The following RBFOX3 variants were observed in gnomAD, a reference collection of about 807,000 sequenced individuals.
RBFOX3 encodes RNA binding fox-1 homolog 3.
Under a neutral mutation model 48.7 loss-of-function variants are expected in RBFOX3, and 17 were observed. That is an observed-to-expected ratio of 0.35 (90% CI 0.24 to 0.52). The LOEUF (loss-of-function observed/expected upper bound fraction) is 0.52. Among genes scored for constraint, RBFOX3 ranks in the 20% least tolerant of loss-of-function variants. The pLI is 0.94. For synonymous variants in RBFOX3, 212 were observed against 209.5 expected (o/e 1.01, Z -0.10); for missense variants, 382 against 497.5 (o/e 0.77, Z 2.21).
At chr17:79,260,741 C>T (rs553116528) in intron 3 of RBFOX3, among the ~76,000 whole-genome samples, 1 of 152,316 alleles carries the variant, frequency 6.6e-6, no homozygotes, top group East Asian at 1.9e-4. Flanking sequence ...GGGATAGGAA[C>T]ATGGCCAAGG....
At chr17:79,503,668 C>T (rs939774005) in intron 1 of RBFOX3, among the ~76,000 whole-genome samples, 17 of 152,144 alleles carry the variant, frequency 1.1e-4, no homozygotes, top group Non-Finnish European at 1.8e-4. Context: ...GGGATCCCTC[C>T]GTGTCCTGCA....
intron 4 of RBFOX3, among the ~76,000 whole-genome samples, chr17:79,127,182 C>G (rs1306239658): frequency 6.6e-6 from 1 of 152,244 alleles, no homozygotes; most frequent in African/African-American, 2.4e-5. Context: ...CACCATCATG[C>G]AGGTCCGGGT....
chr17:79,355,488 T>A (rs888022462), intron 2 of RBFOX3, among the ~76,000 whole-genome samples: 4 of 152,124 alleles, frequency 2.6e-5, no homozygotes, highest in Non-Finnish European at 4.4e-5. Context: ...CCTCTCCAGG[T>A]CCTGCTGCCT....
Position 79,096,635 on chromosome 17 carries a change from C to G in RBFOX3, c.936+18G>C. The G allele has an allele frequency of 6.5e-7, 1 of 1,535,428 alleles. No homozygotes were observed. Among genetic ancestry groups the G allele is most frequent in the East Asian group, 2.5e-5 (1 of 40,802 alleles). Reference sequence around the variant, plus strand: ...GAACGCCTGATCCCACCCTCCCTCCCGGCGGGGCTACACTTACATAAATCT... The same window carrying G: ...GAACGCCTGATCCCACCCTCCCTCCGGGCGGGGCTACACTTACATAAATCT... On this transcript the variant is annotated intron_variant, in intron 12 of 14. Coordinates refer to ENST00000693108, the MANE Select transcript of RBFOX3 (RefSeq NM_001350451.2).
intron 1 of RBFOX3, among the ~76,000 whole-genome samples, chr17:79,604,355 C>T (rs991847150): frequency 3.4e-4 from 52 of 152,170 alleles, no homozygotes; most frequent in Non-Finnish European, 5.0e-4. Context: ...CTCAAGGTGA[C>T]GGGTAATGTC....
intron 2 of RBFOX3, among the ~76,000 whole-genome samples, chr17:79,345,857 CT>C (rs371349044): frequency 1.1e-3 from 173 of 152,128 alleles, no homozygotes; most frequent in African/African-American, 3.9e-3. Context: ...GTCTGTCAAT[CT>C]TTTTTTATAC....
At chr17:79,440,939 C>T (rs1555734491) in intron 2 of RBFOX3, among the ~76,000 whole-genome samples, 1 of 152,218 alleles carries the variant, frequency 6.6e-6, no homozygotes, top group Admixed American at 6.5e-5. Flanking sequence ...CACGGTGAGT[C>T]GGAACCAGAT....
At chr17:79,240,386 G>T (rs1161465842) in intron 3 of RBFOX3, among the ~76,000 whole-genome samples, 1 of 152,228 alleles carries the variant, frequency 6.6e-6, no homozygotes. Flanking sequence ...TCCCAAGATA[G>T]ATGCAAGTTA....
At chr17:79,645,740 C>A in the RBFOX3 span, among the ~76,000 whole-genome samples, 11 of 152,214 alleles carry the variant, frequency 7.2e-5, no homozygotes, top group African/African-American at 2.7e-4. Flanking sequence ...CACAGGGCTG[C>A]CTGGCCAGGG....
At chr17:79,637,894 T>C in the RBFOX3 span, among the ~76,000 whole-genome samples, 1 of 152,112 alleles carries the variant, frequency 6.6e-6, no homozygotes. Flanking sequence ...TCCAAGTACC[T>C]TCTCTGACCA....
intron 2 of RBFOX3, among the ~76,000 whole-genome samples, chr17:79,348,245 G>A (rs1347197315): frequency 6.6e-6 from 1 of 152,214 alleles, no homozygotes; most frequent in African/African-American, 2.4e-5. Flanking sequence ...CTGCTGCTGT[G>A]CTGTATTAAC....
intron 2 of RBFOX3, among the ~76,000 whole-genome samples, chr17:79,463,230 C>T (rs1555750536): frequency 7.1e-6 from 1 of 140,340 alleles, no homozygotes; most frequent in African/African-American, 2.6e-5. Context: ...GCCATCGCCA[C>T]TGCCACTGCC....
chr17:79,178,285 C>T (rs1256243817), intron 4 of RBFOX3, among the ~76,000 whole-genome samples: 1 of 152,222 alleles, frequency 6.6e-6, no homozygotes, highest in Non-Finnish European at 1.5e-5. Context: ...TCCTAAACTT[C>T]GCTGGGTGTC....
chr17:79,280,697 G>A (rs112493196), intron 3 of RBFOX3, among the ~76,000 whole-genome samples: 7 of 152,058 alleles, frequency 4.6e-5, no homozygotes, highest in South Asian at 4.1e-4. Context: ...GCCTTGGGGC[G>A]CACGGCAGGC....
At chr17:79,568,087 G>T (rs2092535700) in intron 1 of RBFOX3, among the ~76,000 whole-genome samples, 1 of 152,126 alleles carries the variant, frequency 6.6e-6, no homozygotes, top group Non-Finnish European at 1.5e-5. Flanking sequence ...ATCTTCCAGA[G>T]CAATAGCCTG....
intron 2 of RBFOX3, among the ~76,000 whole-genome samples, chr17:79,472,401 C>T (rs561281839): frequency 8.5e-5 from 13 of 152,174 alleles, no homozygotes; most frequent in Non-Finnish European, 1.2e-4. Context: ...ACCCCTAGTA[C>T]GTTAGATGTG....
chr17:79,531,893 C>T lies in RBFOX3; in HGVS notation c.-319-49295G>A, dbSNP rs1000342477. 1.2e-4 allele frequency among the ~76,000 whole-genome samples: 19 copies of T among 152,322 alleles called. 1 individual carries two copies. In the Middle Eastern group the frequency reaches 0.027, roughly 218 times the overall value. On this transcript the variant is annotated intron_variant, in intron 1 of 14. Transcript: ENST00000693108. ...CGTCCCTCACAGCTGACCGCCAGGC[C>T]GCTGACCACCCGCTCCGCACACAGC...
chr17:79,465,822 G>T (rs113638582), intron 2 of RBFOX3, among the ~76,000 whole-genome samples: 1 of 152,178 alleles, frequency 6.6e-6, no homozygotes, highest in Non-Finnish European at 1.5e-5. Flanking sequence ...ACGGGATCGC[G>T]GCCTGGGCAG....
intron 3 of RBFOX3, among the ~76,000 whole-genome samples, chr17:79,238,077 C>T (rs1292457945): frequency 1.3e-5 from 2 of 152,210 alleles, no homozygotes; most frequent in African/African-American, 2.4e-5. Flanking sequence ...GCTGGGATTA[C>T]AGGCATGTGC....
Sources: gnomAD v4.1 joint callset for allele counts (sites outside exome capture counted in the v4.1 genomes callset) on GRCh38, gnomAD v4.1.1 for gene constraint, MANE v1.5 for transcripts, NCBI Gene and HGNC (gene_info 2026-07-23, HGNC 2026-07-21) for gene names.